The following DCDC1 variants were observed in gnomAD, a reference collection of about 807,000 sequenced individuals.
DCDC1 encodes doublecortin domain-containing protein 1.
Under a neutral mutation model 178.3 loss-of-function variants are expected in DCDC1, and 200 were observed. The observed-to-expected ratio is 1.12, with a 90% CI of 1.00 to 1.26. The LOEUF (loss-of-function observed/expected upper bound fraction) is 1.26, where lower values mean the gene tolerates loss of function less well. Ranked by LOEUF, DCDC1 falls within the 50% of genes most tolerant of loss-of-function variation. DCDC1 has a pLI of 0.00. For missense variants in DCDC1, 1,983 were observed against 1,749.2 expected (o/e 1.13, Z -2.38); for synonymous variants, 690 against 604.8 (o/e 1.14, Z -2.07).
intron 9 of DCDC1, among the ~76,000 whole-genome samples, chr11:31,147,210 G>C (rs1964539280): frequency 6.6e-6 from 1 of 152,106 alleles, no homozygotes. Context: ...TTATTTCTGT[G>C]TTGTTTCTTT....
At chr11:31,362,163 T>C (rs1455040289) in intron 1 of DCDC1, among the ~76,000 whole-genome samples, 6 of 152,184 alleles carry the variant, frequency 3.9e-5, no homozygotes, top group Admixed American at 2.6e-4. Context: ...CACAGATTTT[T>C]AAGATTCTAA....
At chr11:30,891,621 C>A (rs1204182861) in intron 36 of DCDC1, among the ~76,000 whole-genome samples, 1 of 152,192 alleles carries the variant, frequency 6.6e-6, no homozygotes, top group Non-Finnish European at 1.5e-5. Context: ...AAAGACATTT[C>A]AGCTTTGTTA....
At chr11:30,870,252 C>A (rs1454496446) in intron 38 of DCDC1, among the ~76,000 whole-genome samples, 8 of 152,130 alleles carry the variant, frequency 5.3e-5, no homozygotes, top group Admixed American at 5.2e-4. Flanking sequence ...CTCCCTGAGA[C>A]ACCTCTTGAA....
chr11:31,347,847 G>A (rs774540936), intron 1 of DCDC1, among the ~76,000 whole-genome samples: 18 of 152,128 alleles, frequency 1.2e-4, no homozygotes, highest in African/African-American at 3.1e-4. Flanking sequence ...AGAACTATGG[G>A]TTTTATTTGC....
chr11:30,942,437 A>G (rs1947717446), intron 21 of DCDC1, among the ~76,000 whole-genome samples: 1 of 152,184 alleles, frequency 6.6e-6, no homozygotes, highest in East Asian at 1.9e-4. Flanking sequence ...ATCTCATTAG[A>G]AAATTACTGT....
chr11:31,306,130 T>C, intron 5 of DCDC1, 102 bp downstream of exon 5: 1 of 1,160,522 alleles, frequency 8.6e-7, no homozygotes, highest in Non-Finnish European at 1.1e-6. Context: ...TAGATTCAGA[T>C]TCTCAAAAAG....
At chr11:31,264,037 T>C (rs1258435483) in intron 8 of DCDC1, among the ~76,000 whole-genome samples, 2 of 152,222 alleles carry the variant, frequency 1.3e-5, no homozygotes, top group Non-Finnish European at 2.9e-5. Context: ...TTCATAACTT[T>C]TTTCTTGCCT....
intron 9 of DCDC1, among the ~76,000 whole-genome samples, chr11:31,144,857 T>C (rs1400826090): frequency 2.0e-5 from 3 of 152,156 alleles, no homozygotes; most frequent in Non-Finnish European, 4.4e-5. Context: ...AGTATATTGT[T>C]GCTTTTGATG....
chr11:31,003,633 T>C (rs1289260842), intron 20 of DCDC1, among the ~76,000 whole-genome samples: 3 of 152,126 alleles, frequency 2.0e-5, no homozygotes, highest in African/African-American at 7.2e-5. Context: ...GTCTAAGGCA[T>C]TTTATGGGCA....
intron 6 of DCDC1, among the ~76,000 whole-genome samples, chr11:31,303,635 T>A (rs892968874): frequency 1.3e-5 from 2 of 152,144 alleles, no homozygotes; most frequent in African/African-American, 4.8e-5. Flanking sequence ...TATAAATGTA[T>A]ATATGTTTAC....
intron 11 of DCDC1, among the ~76,000 whole-genome samples, chr11:31,114,434 T>A (rs1959549425): frequency 6.6e-6 from 1 of 151,876 alleles, no homozygotes; most frequent in African/African-American, 2.4e-5. Flanking sequence ...GGAGAAAAAA[T>A]ACATCAGGGC....
intron 8 of DCDC1, among the ~76,000 whole-genome samples, chr11:31,261,361 C>G (rs1310597159): frequency 6.6e-6 from 1 of 152,110 alleles, no homozygotes; most frequent in Non-Finnish European, 1.5e-5. Flanking sequence ...TTCCCCATAT[C>G]CCTGTTATTT....
intron 9 of DCDC1, among the ~76,000 whole-genome samples, chr11:31,138,436 G>A (rs906903340): frequency 6.6e-6 from 1 of 152,114 alleles, no homozygotes; most frequent in African/African-American, 2.4e-5. Flanking sequence ...TGCTAAACAT[G>A]CAATTGTTAT....
intron 20 of DCDC1, among the ~76,000 whole-genome samples, chr11:31,005,233 C>G (rs1951772900): frequency 6.6e-6 from 1 of 152,210 alleles, no homozygotes; most frequent in Non-Finnish European, 1.5e-5. Context: ...CAAACCTGCA[C>G]CAGTAACTGT....
chr11:31,363,160 A>G (rs1951793708), intron 1 of DCDC1, among the ~76,000 whole-genome samples: 1 of 152,132 alleles, frequency 6.6e-6, no homozygotes, highest in South Asian at 2.1e-4. Flanking sequence ...TATATTAACT[A>G]TTTTGAAATA....
chr11:31,138,356 C>T (rs1963415097), intron 9 of DCDC1, among the ~76,000 whole-genome samples: 1 of 152,038 alleles, frequency 6.6e-6, no homozygotes, highest in South Asian at 2.1e-4. Context: ...CCATGTGTTA[C>T]AAAAAAATGA....
chr11:31,025,413 C>T (rs1265772788), intron 20 of DCDC1, among the ~76,000 whole-genome samples: 4 of 151,738 alleles, frequency 2.6e-5, no homozygotes, highest in Non-Finnish European at 5.9e-5. Flanking sequence ...ATTTGAATTT[C>T]TTAAAACATC....
chr11:31,306,900 C>T (rs920080028), intron 4 of DCDC1, among the ~76,000 whole-genome samples: 1 of 151,908 alleles, frequency 6.6e-6, no homozygotes, highest in Non-Finnish European at 1.5e-5. Flanking sequence ...AATTGTATTG[C>T]TCTCATTTCA....
chr11:31,237,036 A>T (rs1976547482), intron 9 of DCDC1, among the ~76,000 whole-genome samples: 3 of 151,920 alleles, frequency 2.0e-5, no homozygotes, highest in Admixed American at 6.6e-5. Context: ...AAATACTAAG[A>T]TTCCTTTTAA....
Sources: gnomAD v4.1 joint callset for allele counts (sites outside exome capture counted in the v4.1 genomes callset) on GRCh38, gnomAD v4.1.1 for gene constraint, MANE v1.5 for transcripts, NCBI Gene and HGNC (gene_info 2026-07-23, HGNC 2026-07-21) for gene names.